Variants in GRAMD4 observed in about 807,000 individuals in gnomAD.
The protein encoded by GRAMD4 is GRAM domain-containing protein 4.
Under a neutral mutation model 83.9 loss-of-function variants are expected in GRAMD4, and 25 were observed. The ratio of observed to expected loss-of-function variants is 0.30; its 90% CI spans 0.22 to 0.42. The LOEUF (loss-of-function observed/expected upper bound fraction) is 0.42. GRAMD4 is among the 10% of genes least tolerant of loss of function. The pLI is 1.00. For missense variants in GRAMD4, 593 were observed against 788.7 expected (o/e 0.75, Z 2.97); for synonymous variants, 336 against 320.9 (o/e 1.05, Z -0.50).
At chr22:46,619,436 C>T (rs774712353), upstream of GRAMD4, among the ~76,000 whole-genome samples, 10 of 152,140 alleles carry the variant, frequency 6.6e-5, no homozygotes, top group Non-Finnish European at 1.2e-4. Flanking sequence ...TCCCAGGTTC[C>T]CAGGCGATCC....
At chr22:46,576,013 G>C (rs1161609646), upstream of GRAMD4, 1 of 153,162 alleles carries the variant, frequency 6.5e-6, no homozygotes, top group African/African-American at 2.4e-5. Context: ...GAAGGAAGTG[G>C]GGAGGGCGGA....
intron 2 of GRAMD4, among the ~76,000 whole-genome samples, chr22:46,634,490 G>T (rs747914765): frequency 6.6e-6 from 1 of 152,226 alleles, no homozygotes; most frequent in Non-Finnish European, 1.5e-5. Context: ...AAGGGTGGGC[G>T]AATGGCGGGA....
upstream of GRAMD4, among the ~76,000 whole-genome samples, chr22:46,619,353 C>T (rs934735207): frequency 6.6e-6 from 1 of 152,028 alleles, no homozygotes; most frequent in Non-Finnish European, 1.5e-5. Flanking sequence ...TTGTTTTGTT[C>T]TTAGAGACAA....
chr22:46,626,737 C>G lies in GRAMD4; in HGVS notation c.-49-14C>G, dbSNP rs1385783428. 2 of 1,540,172 alleles carry G rather than the reference C, an allele frequency of 1.3e-6. No homozygotes were observed. Among genetic ancestry groups the G allele is most frequent in the East Asian group, 2.3e-5 (1 of 44,226 alleles). ...GGTGGCGAGCGGGAGAGTGACCACGCCCCTCTCTTGCAGGGAACCCGAGCG... is the reference window on the plus strand; with the variant it reads ...GGTGGCGAGCGGGAGAGTGACCACGGCCCTCTCTTGCAGGGAACCCGAGCG... On this transcript the variant is annotated splice_polypyrimidine_tract_variant and intron_variant, in intron 1 of 18. Transcript: ENST00000406902.
At chr22:46,648,165 G>A (rs1170446411) in intron 3 of GRAMD4, among the ~76,000 whole-genome samples, 1 of 152,106 alleles carries the variant, frequency 6.6e-6, no homozygotes. Context: ...TGGATGGGTG[G>A]ATGGATAAAT....
At chr22:46,641,664 G>C (rs2081977159) in intron 3 of GRAMD4, among the ~76,000 whole-genome samples, 1 of 152,196 alleles carries the variant, frequency 6.6e-6, no homozygotes, top group Admixed American at 6.5e-5. Flanking sequence ...TCGTGGCGGG[G>C]TTGGGTGACC....
intron 1 of GRAMD4, among the ~76,000 whole-genome samples, chr22:46,612,722 A>T (rs1426861690): frequency 6.6e-6 from 1 of 151,964 alleles, no homozygotes; most frequent in Non-Finnish European, 1.5e-5. Context: ...CTTACTCTCA[A>T]CCCTTTAGGG....
chr22:46,577,117 G>A (rs1423133890), upstream of GRAMD4: 2 of 184,586 alleles, frequency 1.1e-5, no homozygotes, highest in Non-Finnish European at 2.0e-5. Flanking sequence ...GCGAGCGCGC[G>A]ACCTGGCGCC....
chr22:46,638,622 A>G (rs1038374733), intron 3 of GRAMD4, among the ~76,000 whole-genome samples: 1 of 152,194 alleles, frequency 6.6e-6, no homozygotes, highest in Non-Finnish European at 1.5e-5. Context: ...AGGGTTCACA[A>G]AGTGATGCCT....
At chr22:46,673,082 T>G (rs1193866064) in intron 14 of GRAMD4, 85 bp downstream of exon 14, 3 of 1,103,812 alleles carry the variant, frequency 2.7e-6, no homozygotes, top group Non-Finnish European at 3.8e-6. Context: ...TCTGTTCACC[T>G]CCGGCTCATT....
chr22:46,643,128 C>CGTGG (rs1569283783), intron 3 of GRAMD4, among the ~76,000 whole-genome samples: 1 of 146,434 alleles, frequency 6.8e-6, no homozygotes, highest in Non-Finnish European at 1.5e-5. Flanking sequence ...TCCATGCATC[C>CGTGG]ATCCATGCAT....
At chr22:46,576,511 G>A (rs866997584), upstream of GRAMD4, among the ~76,000 whole-genome samples, 10 of 152,186 alleles carry the variant, frequency 6.6e-5, no homozygotes, top group South Asian at 4.1e-4. Flanking sequence ...GAAAGGGTGG[G>A]CCCAGAGGTC....
intron 8 of GRAMD4, among the ~76,000 whole-genome samples, chr22:46,665,244 C>T (rs2082390397): frequency 6.6e-6 from 1 of 152,242 alleles, no homozygotes; most frequent in Non-Finnish European, 1.5e-5. Flanking sequence ...CCCGGGCATG[C>T]ACCTGGCTCG....
rs536210989 is a variant in GRAMD4, at chr22:46,669,733, G to A, written c.1084+825G>A. On this transcript the variant is annotated intron_variant, in intron 13 of 18. Transcript: ENST00000406902. ...TGGGACTACAGGCACCCGCCACCAC[G>A]CCCAGCTAATTTTTTTTGTATTTTT... Among the ~76,000 whole-genome samples the A allele has an allele frequency of 1.0e-3, 155 of 151,908 alleles. 1 individual carries two copies. The highest frequency in any genetic ancestry group is 2.2e-3 in the Admixed American group (34 of 15,272).
At chr22:46,578,147 T>C (rs778375975) in intron 1 of GRAMD4, among the ~76,000 whole-genome samples, 2 of 152,122 alleles carry the variant, frequency 1.3e-5, no homozygotes, top group African/African-American at 4.8e-5. Flanking sequence ...GTAGGAAAGA[T>C]TCGGTTTGGG....
At chr22:46,609,112 A>AAAAAACAAAAAAAC (rs532946965) in intron 1 of GRAMD4, among the ~76,000 whole-genome samples, 89 of 151,228 alleles carry the variant, frequency 5.9e-4, no homozygotes, top group African/African-American at 2.0e-3. Context: ...CTAAAAAAAA[A>AAAAAACAAAAAAAC]AACAACAACA....
At chr22:46,645,868 C>A (rs1201440631) in intron 3 of GRAMD4, among the ~76,000 whole-genome samples, 1 of 152,222 alleles carries the variant, frequency 6.6e-6, no homozygotes, top group Non-Finnish European at 1.5e-5. Context: ...GCCGTGCATG[C>A]GTGTGCATCT....
rs2082644631 is a variant in GRAMD4 at position 46,679,411 on chromosome 22, C to T, written c.*2160C>T. ...GTCGGGGGAGGGCCACCGACTGGCTCTGCTGCCAGCACAGGCCCCTCCCTG... is the reference window on the plus strand; with the variant it reads ...GTCGGGGGAGGGCCACCGACTGGCTTTGCTGCCAGCACAGGCCCCTCCCTG... On this transcript the variant is annotated 3_prime_UTR_variant, in exon 19 of 19. Coordinates refer to ENST00000406902, the MANE Select transcript of GRAMD4 (RefSeq NM_015124.5). 2.0e-6 allele frequency: 2 copies of T among 985,500 alleles called. No individual in the cohort carries two copies. Among genetic ancestry groups the T allele is most frequent in the Non-Finnish European group, 2.4e-6 (2 of 829,944 alleles). 61.0% of individuals were successfully genotyped at this position (985,500 alleles called of 1,614,324 possible).
chr22:46,660,352 G>T (rs563831778), intron 4 of GRAMD4, among the ~76,000 whole-genome samples: 118 of 152,238 alleles, frequency 7.8e-4, no homozygotes, highest in Non-Finnish European at 1.3e-3. Context: ...AGGAGGAGGG[G>T]TGAAGGAAGA....
Sources: allele counts gnomAD v4.1 joint callset (sites outside exome capture counted in the v4.1 genomes callset), GRCh38; gene constraint gnomAD v4.1.1; transcripts MANE v1.5; gene names NCBI Gene and HGNC (gene_info 2026-07-23, HGNC 2026-07-21).